The following FBN2 variants were observed in gnomAD, a reference collection of about 807,000 sequenced individuals.
The protein encoded by FBN2 is fibrillin-2.
FBN2 carries 105 observed loss-of-function variants against 355.6 expected under a neutral mutation model. That is an observed-to-expected ratio of 0.30 (90% CI 0.25 to 0.35). The LOEUF (loss-of-function observed/expected upper bound fraction) is 0.35, where lower values mean the gene tolerates loss of function less well. Among genes scored for constraint, FBN2 ranks in the 10% least tolerant of loss-of-function variants. The pLI is 1.00. For synonymous variants in FBN2, 1,350 were observed against 1,301.2 expected, an observed-to-expected ratio of 1.04 and a Z score of -0.81; for missense variants, 3,280 against 3,758.7, an observed-to-expected ratio of 0.87 and a Z score of 3.33.
intron 15 of FBN2, among the ~76,000 whole-genome samples, chr5:128,371,476 TTTCC>T (rs1301780465): frequency 2.0e-5 from 3 of 146,706 alleles, no homozygotes; most frequent in African/African-American, 7.6e-5. Flanking sequence ...CCTTCCTTCC[TTTCC>T]TTCCTTTCTT....
At position 128,290,963 on chromosome 5, in the gene FBN2, G is replaced by A. The variant is rs553016614; in HGVS notation, c.6293-79C>T. On this transcript the variant is annotated intron_variant, in intron 49 of 64. Transcript: ENST00000262464. The stretch of plus-strand genomic sequence containing the variant: ...CAGAACATTTCTCATTGTAGAACAC[G>A]GGATGCAGACTAGATCAGCAGTTAA... The A allele has an allele frequency of 9.4e-6, 13 of 1,382,618 alleles. No homozygotes were observed. The South Asian group carries it at 1.1e-4, about 11-fold the overall frequency. 85.6% of individuals were successfully genotyped at this position (1,382,618 alleles called of 1,614,324 possible).
Position 128,291,125 on chromosome 5 carries a change from T to A in FBN2, c.6293-241A>T, listed in dbSNP as rs374619849. On this transcript the variant is annotated intron_variant, in intron 49 of 64. Transcript: ENST00000262464. ...AAAATTCGAGAAATCATGCTCAGTA[T>A]CAAAGTGATTTCCACACAGAGTCTC... 5.9e-5 allele frequency among the ~76,000 whole-genome samples: 9 copies of A among 152,304 alleles called. No individual in the cohort carries two copies. In the South Asian group the frequency reaches 1.0e-3, roughly 18 times the overall value.
chr5:128,479,398 T>C (rs1000654087), intron 5 of FBN2, among the ~76,000 whole-genome samples: 3 of 152,148 alleles, frequency 2.0e-5, no homozygotes, highest in African/African-American at 7.2e-5. Flanking sequence ...CATATGTATA[T>C]ACACACATAT....
intron 61 of FBN2, 141 bp from the exon 62 acceptor site, chr5:128,272,259 T>C: frequency 1.0e-6 from 1 of 962,210 alleles, no homozygotes; most frequent in Non-Finnish European, 1.6e-6. Flanking sequence ...GCTGTCATTT[T>C]TCCAGGTCAC....
intron 4 of FBN2, among the ~76,000 whole-genome samples, chr5:128,524,040 C>T (rs1756503324): frequency 6.6e-6 from 1 of 152,046 alleles, no homozygotes; most frequent in African/African-American, 2.4e-5. Flanking sequence ...AATATTTAGG[C>T]TGTAGTCCAA....
intron 16 of FBN2, 141 bp from the exon 17 acceptor site, chr5:128,366,571 A>T: frequency 1.9e-6 from 1 of 529,824 alleles, no homozygotes; most frequent in Non-Finnish European, 3.4e-6. Context: ...ACCATTTTCT[A>T]GCAAACAATT....
Position 128,537,453 on chromosome 5 carries a change from T to C in FBN2, c.151A>G (p.Thr51Ala). ...AGAAACCCGCCTTCAGAGCCTGCTG[T>C]AGCGGACCGAACCTGTTGCGGCGGC... ...QPPPQQVRSA[T>A]AGSEGGFLAP... The change falls in exon 1 of 65, where the codon ACA becomes GCA. Residue 51 changes from threonine to alanine, a missense_variant. By Grantham distance (58) the Thr-to-Ala change is moderately conservative. Coordinates refer to ENST00000262464, the MANE Select transcript of FBN2 (RefSeq NM_001999.4). 1 of 1,607,454 alleles carries C rather than the reference T, an allele frequency of 6.2e-7. No homozygotes were observed. Among genetic ancestry groups the C allele is most frequent in the South Asian group, 1.1e-5 (1 of 90,000 alleles).
intron 1 of FBN2, 146 bp downstream of exon 1, chr5:128,537,204 G>T: frequency 7.3e-7 from 1 of 1,377,802 alleles, no homozygotes; most frequent in Non-Finnish European, 9.6e-7. Flanking sequence ...CGCTCCTGGG[G>T]GTCTTTGGAT....
chr5:128,295,831 C>T (rs1405235276), intron 48 of FBN2, among the ~76,000 whole-genome samples: 7 of 138,362 alleles, frequency 5.1e-5, no homozygotes, highest in South Asian at 2.5e-4. Context: ...CCTTTATTTC[C>T]TTCTCCTGCC....
intron 8 of FBN2, 135 bp downstream of exon 8, chr5:128,408,539 T>C (rs1020846760): frequency 9.7e-7 from 1 of 1,025,676 alleles, no homozygotes; most frequent in Non-Finnish European, 1.5e-6. Context: ...CCCTCAATAC[T>C]GGTACCGTTT....
chr5:128,278,924 G>A, intron 56 of FBN2, 83 bp from the exon 57 acceptor site: 1 of 1,118,126 alleles, frequency 8.9e-7, no homozygotes, highest in Non-Finnish European at 1.3e-6. Flanking sequence ...GGGCAGTCAA[G>A]AATTTCCTCC....
At chr5:128,505,220 G>A (rs1009745782) in intron 5 of FBN2, among the ~76,000 whole-genome samples, 2 of 152,056 alleles carry the variant, frequency 1.3e-5, no homozygotes, top group Non-Finnish European at 2.9e-5. Flanking sequence ...TACTACAATG[G>A]CCATCTGCTC....
At chr5:128,512,169 G>C (rs1756147229) in intron 5 of FBN2, among the ~76,000 whole-genome samples, 1 of 152,092 alleles carries the variant, frequency 6.6e-6, no homozygotes, top group South Asian at 2.1e-4. Context: ...TGATGTCCCA[G>C]AGATCCTGAA....
At chr5:128,318,628 TAAAG>T (rs1750280115) in intron 35 of FBN2, among the ~76,000 whole-genome samples, 2 of 152,074 alleles carry the variant, frequency 1.3e-5, no homozygotes, top group South Asian at 4.2e-4. Context: ...AACATATATA[TAAAG>T]AGACACTTTA....
chr5:128,272,174 AT>A, intron 61 of FBN2, 56 bp from the exon 62 acceptor site: 1 of 1,609,438 alleles, frequency 6.2e-7, no homozygotes, highest in Non-Finnish European at 8.5e-7. Context: ...CTATTTTTAA[AT>A]GCACTCCAAA....
At chr5:128,537,129 C>T (rs1204348678) in intron 1 of FBN2, among the ~76,000 whole-genome samples, 1 of 152,130 alleles carries the variant, frequency 6.6e-6, no homozygotes, top group Non-Finnish European at 1.5e-5. Flanking sequence ...CCACCCGCCG[C>T]CCAACCCCCG....
At chr5:128,341,974 T>C (rs1024167366) in intron 25 of FBN2, among the ~76,000 whole-genome samples, 6 of 152,166 alleles carry the variant, frequency 3.9e-5, no homozygotes, top group African/African-American at 9.7e-5. Flanking sequence ...TCCTAATGCA[T>C]ACAGGGAAGT....
rs1750053946 is a variant in FBN2 at position 128,311,424 on chromosome 5, G to A, written c.4950C>T (p.Asp1650=). The change falls in exon 39 of 65, where the codon GAC becomes GAT. Residue 1650 remains aspartate, a splice_region_variant and synonymous_variant. Transcript: ENST00000262464. ...RPNPITIILE[D]IDECQELPGL... Reference sequence around the variant, plus strand: ...CTGGTAACTCCTGGCATTCGTCAATGTCTACAAAAAGGGAGACAGTGCACT... The same window carrying A: ...CTGGTAACTCCTGGCATTCGTCAATATCTACAAAAAGGGAGACAGTGCACT... The A allele has an allele frequency of 6.2e-7, 1 of 1,613,888 alleles. No homozygotes were observed. The highest frequency in any genetic ancestry group is 1.3e-5 in the African/African-American group (1 of 74,920).
intron 7 of FBN2, among the ~76,000 whole-genome samples, chr5:128,424,183 C>T (rs1366108449): frequency 6.6e-6 from 1 of 151,978 alleles, no homozygotes; most frequent in Non-Finnish European, 1.5e-5. Flanking sequence ...GAAGAGAGAG[C>T]TGTATTGTAG....
Sources: gnomAD v4.1 joint callset for allele counts (sites outside exome capture counted in the v4.1 genomes callset) on GRCh38, gnomAD v4.1.1 for gene constraint, MANE v1.5 for transcripts, NCBI Gene and HGNC (gene_info 2026-07-23, HGNC 2026-07-21) for gene names.